Variants in SOX6 observed in about 807,000 individuals in gnomAD.
SOX6 encodes the protein transcription factor SOX-6.
A neutral mutation model predicts 97.8 loss-of-function variants in SOX6; 11 were observed. That is an observed-to-expected ratio of 0.11 (90% CI 0.07 to 0.19). The LOEUF (loss-of-function observed/expected upper bound fraction) is 0.19. Among genes scored for constraint, SOX6 ranks in the 10% least tolerant of loss-of-function variants. The probability of loss-of-function intolerance (pLI) is 1.00; values close to 1 mark genes in which losing one functional copy is unlikely to be tolerated. For synonymous variants in SOX6, 360 were observed against 371.4 expected (o/e 0.97, Z 0.35); for missense variants, 810 against 1,039.5 (o/e 0.78, Z 3.04).
intron 3 of SOX6, among the ~76,000 whole-genome samples, chr11:16,242,758 T>C (rs1004406244): frequency 1.1e-4 from 16 of 152,108 alleles, no homozygotes; most frequent in African/African-American, 3.6e-4. Flanking sequence ...TAATATTAAA[T>C]TATAAAATGT....
rs183424302 is a variant in SOX6, at chr11:16,623,923, A to T, written n.430-11663T>A. 1.4e-3 allele frequency among the ~76,000 whole-genome samples: 210 copies of T among 152,204 alleles called. 4 individuals carry two copies. Among genetic ancestry groups the T allele is most frequent in the Non-Finnish European group, 1.2e-3 (82 of 68,004 alleles). ...AAACTATACATCTATATAAACCCAA[A>T]CTATCAAGATATCGAAGATTTCCAT... On this transcript the variant is annotated intron_variant and non_coding_transcript_variant, in intron 3 of 5. Coordinates refer to the SOX6 transcript ENST00000524520.
At chr11:16,491,498 C>CTGTGTG (rs200379983) in intron 4 of SOX6, among the ~76,000 whole-genome samples, 2 of 151,498 alleles carry the variant, frequency 1.3e-5, no homozygotes, top group Admixed American at 6.6e-5. Context: ...TTCCAACAGT[C>CTGTGTG]TATGTGTGTG....
At chr11:16,283,002 A>G (rs1178032156) in intron 3 of SOX6, among the ~76,000 whole-genome samples, 1 of 125,694 alleles carries the variant, frequency 8.0e-6, no homozygotes, top group Non-Finnish European at 1.7e-5. Flanking sequence ...AGAGAAAGGG[A>G]GCCCTATGAG....
chr11:16,093,989 A>G (rs560202520), intron 9 of SOX6, among the ~76,000 whole-genome samples: 1 of 152,044 alleles, frequency 6.6e-6, no homozygotes, highest in African/African-American at 2.4e-5. Context: ...CAGAGTCCAC[A>G]TGAGCAAACA....
chr11:16,108,722 T>A (rs1590201718), intron 7 of SOX6, among the ~76,000 whole-genome samples: 3 of 152,190 alleles, frequency 2.0e-5, no homozygotes, highest in Non-Finnish European at 4.4e-5. Flanking sequence ...AGCTGAACAA[T>A]CCCTGTGGGC....
rs184138702 is a variant in SOX6 at position 16,540,942 on chromosome 11, G to T, written n.610-64554C>A. ...ATGCCATCCCCATCAAGCTACCAAT[G>T]ACTTTCTTCACAGAATTGGAAAAAA... On this transcript the variant is annotated intron_variant and non_coding_transcript_variant, in intron 4 of 5. Transcript: ENST00000524520. Among the ~76,000 whole-genome samples, 45 of 152,226 alleles carry T rather than the reference G, an allele frequency of 3.0e-4. 1 individual carries two copies. In the East Asian group the frequency reaches 8.1e-3, roughly 27 times the overall value.
At chr11:16,384,955 G>A (rs1305304556) in intron 1 of SOX6, among the ~76,000 whole-genome samples, 15 of 151,924 alleles carry the variant, frequency 9.9e-5, no homozygotes, top group Admixed American at 9.2e-4. Context: ...CTGGAAAAAG[G>A]GCATCTTTCC....
chr11:16,181,138 C>G (rs1053641994), intron 6 of SOX6, among the ~76,000 whole-genome samples: 2 of 151,424 alleles, frequency 1.3e-5, no homozygotes, highest in African/African-American at 2.4e-5. Flanking sequence ...ACTAGAGGAA[C>G]GATTTTGAAT....
chr11:16,442,324 GA>G (rs1219970548), intron 1 of SOX6, among the ~76,000 whole-genome samples: 5 of 152,072 alleles, frequency 3.3e-5, no homozygotes, highest in Non-Finnish European at 5.9e-5. Flanking sequence ...TTCTCTGAAA[GA>G]AGAAAAATTA....
chr11:16,452,751 CA>C (rs891349576), intron 1 of SOX6, among the ~76,000 whole-genome samples: 4 of 151,664 alleles, frequency 2.6e-5, no homozygotes, highest in Non-Finnish European at 5.9e-5. Flanking sequence ...AGGCACAGGG[CA>C]AAAAAATGGA....
intron 2 of SOX6, among the ~76,000 whole-genome samples, chr11:16,333,230 C>T (rs1296390971): frequency 6.6e-6 from 1 of 152,184 alleles, no homozygotes; most frequent in East Asian, 1.9e-4. Flanking sequence ...TTGTCTCCAT[C>T]TTATTCCTGC....
chr11:16,727,625 A>G (rs180700062), intron 2 of SOX6, among the ~76,000 whole-genome samples: 17 of 151,148 alleles, frequency 1.1e-4, no homozygotes, highest in Non-Finnish European at 2.2e-4. Context: ...TTTAGTAGAG[A>G]TGGGGTTTCA....
chr11:16,223,312 C>A lies in SOX6; in HGVS notation c.535+11270G>T, dbSNP rs550028040. Among the ~76,000 whole-genome samples the A allele has an allele frequency of 1.8e-4, 27 of 152,204 alleles. No individual in the cohort carries two copies. In the South Asian group the frequency reaches 2.9e-3, roughly 16 times the overall value. On this transcript the variant is annotated intron_variant, in intron 4 of 15. Transcript: ENST00000683767. ...TCCTCGGAGGCATTTTCATTTAACA[C>A]TCAACTTGTCTCATTTCTTTATCGA...
chr11:16,636,783 T>C (rs1848796803), intron 3 of SOX6, among the ~76,000 whole-genome samples: 1 of 152,150 alleles, frequency 6.6e-6, no homozygotes, highest in African/African-American at 2.4e-5. Flanking sequence ...CATGATCTGA[T>C]GGTTTTATAA....
chr11:16,648,604 A>G (rs1345747848), intron 3 of SOX6, among the ~76,000 whole-genome samples: 1 of 152,138 alleles, frequency 6.6e-6, no homozygotes, highest in Non-Finnish European at 1.5e-5. Context: ...TTACAGAATA[A>G]CCCTGATCCC....
intron 4 of SOX6, among the ~76,000 whole-genome samples, chr11:16,585,856 T>A (rs996239451): frequency 6.6e-6 from 1 of 151,962 alleles, no homozygotes; most frequent in African/African-American, 2.4e-5. Flanking sequence ...CTAATTTTAG[T>A]ATTTTTTGTA....
chr11:16,351,047 G>A (rs1192434986), intron 1 of SOX6, among the ~76,000 whole-genome samples: 1 of 152,008 alleles, frequency 6.6e-6, no homozygotes, highest in East Asian at 1.9e-4. Flanking sequence ...TAAGTCATAA[G>A]ATTATTATAT....
chr11:16,543,607 C>A (rs993290344), intron 4 of SOX6, among the ~76,000 whole-genome samples: 3 of 152,140 alleles, frequency 2.0e-5, no homozygotes, highest in East Asian at 1.9e-4. Flanking sequence ...AATGAAAAGA[C>A]AAGCCAATTT....
intron 1 of SOX6, chr11:16,402,933 AACCAATTTTTAC>A: frequency 8.1e-7 from 1 of 1,241,888 alleles, no homozygotes; most frequent in Non-Finnish European, 1.1e-6. Flanking sequence ...TTCAAAACAA[AACCAATTTTTAC>A]ACCAAGGTGG....
Sources: allele counts gnomAD v4.1 joint callset (sites outside exome capture counted in the v4.1 genomes callset), GRCh38; gene constraint gnomAD v4.1.1; transcripts MANE v1.5; gene names NCBI Gene and HGNC (gene_info 2026-07-23, HGNC 2026-07-21).